The following FLNB variants were observed in gnomAD, a reference collection of about 807,000 sequenced individuals.
FLNB encodes filamin B.
FLNB carries 111 observed loss-of-function variants against 250.6 expected under a neutral mutation model. That is an observed-to-expected ratio of 0.44 (90% confidence interval 0.38 to 0.52). The LOEUF (loss-of-function observed/expected upper bound fraction) is 0.52. Among genes scored for constraint, FLNB ranks in the 20% least tolerant of loss-of-function variants. The probability of loss-of-function intolerance (pLI) is 0.00; values close to 1 mark genes in which losing one functional copy is unlikely to be tolerated. For missense variants in FLNB, 2,869 were observed against 3,447.8 expected, an observed-to-expected ratio of 0.83 and a Z score of 4.20; for synonymous variants, 1,302 against 1,372.1, an observed-to-expected ratio of 0.95 and a Z score of 1.13.
At position 58,136,194 on chromosome 3, in the gene FLNB, G is replaced by A. The variant is rs1442895312; in HGVS notation, c.4861+26G>A. On this transcript the variant is annotated intron_variant, in intron 28 of 45. Transcript: ENST00000295956. ...GTGAGTACAGGGCATCTCAAGGTCA[G>A]GGGCACAGGCTTTGCAATCAGAAAG... is the stretch of plus-strand genomic sequence containing the variant. 1.9e-6 allele frequency: 3 copies of A among 1,612,678 alleles called. No individual in the cohort carries two copies. The East Asian group carries it at 6.7e-5, about 36-fold the overall frequency.
At position 58,013,461 on chromosome 3, in the gene FLNB, A is replaced by C. The variant is rs75561804; in HGVS notation, c.292+4605A>C. 5.8e-3 allele frequency among the ~76,000 whole-genome samples: 876 copies of C among 152,242 alleles called. 9 individuals carry two copies. Among genetic ancestry groups the C allele is most frequent in the African/African-American group, 0.02 (828 of 41,532 alleles). On this transcript the variant is annotated intron_variant, in intron 1 of 45. Coordinates refer to ENST00000295956, the MANE Select transcript of FLNB (RefSeq NM_001457.4). The stretch of plus-strand genomic sequence containing the variant: ...CCAAAATAATTTCCAAATAACCTTA[A>C]GTTCTGCTCTTTCTTGCATGTCTAG...
At chr3:58,122,660 A>T (rs2097291076) in intron 20 of FLNB, among the ~76,000 whole-genome samples, 1 of 152,138 alleles carries the variant, frequency 6.6e-6, no homozygotes, top group Non-Finnish European at 1.5e-5. Context: ...GAAACAGTTT[A>T]GTTTTATTAT....
chr3:58,037,515 A>T (rs1389044204), intron 1 of FLNB, among the ~76,000 whole-genome samples: 1 of 151,688 alleles, frequency 6.6e-6, no homozygotes, highest in East Asian at 1.9e-4. Context: ...TTGACCACTC[A>T]TTTTTTTTCT....
intron 24 of FLNB, among the ~76,000 whole-genome samples, chr3:58,130,085 G>A (rs1270639135): frequency 4.6e-5 from 7 of 152,184 alleles, no homozygotes; most frequent in Admixed American, 6.5e-5. Context: ...CCAGGTGGCC[G>A]AGTGACCGAG....
chr3:58,081,428 G>A (rs944624389), intron 3 of FLNB, among the ~76,000 whole-genome samples: 7 of 152,196 alleles, frequency 4.6e-5, no homozygotes, highest in South Asian at 2.1e-4. Context: ...GGGGCCCCTA[G>A]CTTTCAAAGG....
At chr3:58,027,572 G>A (rs750861149) in intron 1 of FLNB, among the ~76,000 whole-genome samples, 9 of 152,168 alleles carry the variant, frequency 5.9e-5, no homozygotes, top group Middle Eastern at 6.8e-3. Context: ...ATGAGCCACC[G>A]CGCCTGGCCC....
In FLNB at chr3:58,136,113, T is replaced by C; in HGVS notation, c.4806T>C (p.Ser1602=). 1 of 1,614,148 alleles carries C rather than the reference T, an allele frequency of 6.2e-7. No homozygotes were observed. Among genetic ancestry groups the C allele is most frequent in the South Asian group, 1.1e-5 (1 of 91,078 alleles). Residue 1602 remains serine, a synonymous_variant, in exon 28 of 46, where the codon TCT becomes TCC. Coordinates refer to ENST00000295956, the MANE Select transcript of FLNB (RefSeq NM_001457.4). The stretch of plus-strand genomic sequence containing the variant: ...ACGGGGGTGACGACATCCCACTTTC[T>C]CCTTATCGCATCCGAGCCACACAGA... The part of the protein sequence containing the change: ...VTYGGDDIPL[S]PYRIRATQTG...
At chr3:58,067,593 G>GTTTTTTTTTTTT (rs375448903) in intron 1 of FLNB, among the ~76,000 whole-genome samples, 4 of 140,848 alleles carry the variant, frequency 2.8e-5, no homozygotes, top group Non-Finnish European at 3.1e-5. Flanking sequence ...TTGTTTTTTT[G>GTTTTTTTTTTTT]TTTTTTTTTT....
chr3:58,110,170 G>A lies in FLNB; in HGVS notation c.2484G>A (p.Gln828=), dbSNP rs947724174. ...RYTIKVLFAS[Q]EIPASPFRVK... ...CTATCAAAGTTCTCTTTGCATCTCA[G>A]GTACGTGGTGGGGCCTGGGAGGAGA... The change falls in exon 16 of 46, where the codon CAG becomes CAA. Residue 828 remains glutamine, a splice_region_variant and synonymous_variant. Transcript: ENST00000295956. The A allele has an allele frequency of 6.2e-7, 1 of 1,614,194 alleles. No homozygotes were observed. Among genetic ancestry groups the A allele is most frequent in the Non-Finnish European group, 8.5e-7 (1 of 1,180,034 alleles).
At chr3:58,137,638 G>A (rs565965722) in intron 28 of FLNB, among the ~76,000 whole-genome samples, 1 of 152,308 alleles carries the variant, frequency 6.6e-6, no homozygotes, top group African/African-American at 2.4e-5. Flanking sequence ...TGGATCCTGT[G>A]TAAAGGGGCG....
At chr3:58,016,443 A>G (rs1177472837) in intron 1 of FLNB, among the ~76,000 whole-genome samples, 8 of 136,702 alleles carry the variant, frequency 5.9e-5, no homozygotes, top group Non-Finnish European at 1.2e-4. Context: ...CTATTAGCAG[A>G]AAGTTTTGTA....
At chr3:58,112,749 C>G (rs1184458367) in intron 18 of FLNB, among the ~76,000 whole-genome samples, 1 of 152,242 alleles carries the variant, frequency 6.6e-6, no homozygotes, top group East Asian at 1.9e-4. Flanking sequence ...AGAGCTGCTA[C>G]ACCTTTGTGT....
At chr3:58,126,552 C>G (rs1396942305) in intron 23 of FLNB, 50 bp from the exon 24 acceptor site, 4 of 1,591,808 alleles carry the variant, frequency 2.5e-6, no homozygotes, top group African/African-American at 2.7e-5. Flanking sequence ...AATAAGCAGA[C>G]CAGCATAAAT....
chr3:58,097,600 G>A (rs947198691), intron 6 of FLNB, among the ~76,000 whole-genome samples: 1 of 152,156 alleles, frequency 6.6e-6, no homozygotes, highest in Admixed American at 6.5e-5. Context: ...TTTGCTAAAG[G>A]TGTGATGTCC....
At chr3:58,138,171 T>G in intron 28 of FLNB, 111 bp from the exon 29 acceptor site, 1 of 1,416,738 alleles carries the variant, frequency 7.1e-7, no homozygotes, top group Non-Finnish European at 9.9e-7. Flanking sequence ...ATGGCAGCAG[T>G]TGGAGGCCTA....
Position 58,145,988 on chromosome 3 carries a change from C to T in FLNB, c.5493C>T (p.Leu1831=), listed in dbSNP as rs1321889691. The T allele has an allele frequency of 2.5e-6, 4 of 1,614,116 alleles. No individual in the cohort carries two copies. Among genetic ancestry groups the T allele is most frequent in the South Asian group, 1.1e-5 (1 of 91,080 alleles). ...SGSVSAYGPG[L]VYGVANKTAT... ...GTGTTTCTGCATACGGTCCAGGCCT[C>T]GTGTATGGAGTGGCCAACAAAACTG... is the stretch of plus-strand genomic sequence containing the variant. The change falls in exon 33 of 46, where the codon CTC becomes CTT. Residue 1831 remains leucine, a synonymous_variant. Transcript: ENST00000295956.
At chr3:58,047,236 TAGATGCTCA>T (rs1221455570) in intron 1 of FLNB, among the ~76,000 whole-genome samples, 1 of 152,246 alleles carries the variant, frequency 6.6e-6, no homozygotes, top group Non-Finnish European at 1.5e-5. Flanking sequence ...TTAATTAATA[TAGATGCTCA>T]GGACCCAGAG....
At chr3:58,078,344 A>G (rs2097204480) in intron 2 of FLNB, 14 of 1,464,896 alleles carry the variant, frequency 9.6e-6, no homozygotes, top group Non-Finnish European at 1.3e-5. Flanking sequence ...TGAATCACAC[A>G]GGATGCTATT....
At chr3:58,042,374 G>A (rs945161417) in intron 1 of FLNB, among the ~76,000 whole-genome samples, 1 of 148,080 alleles carries the variant, frequency 6.8e-6, no homozygotes, top group African/African-American at 2.5e-5. Flanking sequence ...TAAAGTCCGG[G>A]TCTTACTCTG....
Sources: allele counts gnomAD v4.1 joint callset (sites outside exome capture counted in the v4.1 genomes callset), GRCh38; gene constraint gnomAD v4.1.1; transcripts MANE v1.5; gene names NCBI Gene and HGNC (gene_info 2026-07-23, HGNC 2026-07-21).